The following IL2RA variants were observed in gnomAD, a reference collection of about 807,000 sequenced individuals.
The protein encoded by IL2RA is interleukin 2 receptor subunit alpha.
Under a neutral mutation model 37.8 loss-of-function variants are expected in IL2RA, and 24 were observed. The ratio of observed to expected loss-of-function variants is 0.63; its 90% CI spans 0.46 to 0.89. The LOEUF is 0.89. Among genes scored for constraint, IL2RA ranks in the 40% least tolerant of loss-of-function variants. IL2RA has a pLI of 0.00. For missense variants in IL2RA, 319 were observed against 348.6 expected (o/e 0.92, Z 0.68); for synonymous variants, 125 against 114.6 (o/e 1.09, Z -0.58).
rs562795936 is a variant in IL2RA at position 6,022,673 on chromosome 10, G to A, written c.368-980C>T. On this transcript the variant is annotated intron_variant, in intron 3 of 7. Transcript: ENST00000379959. This position sits in a 1 kb window ranked among gnomAD's most constrained non-coding sequence, Gnocchi z 4.7. ...AACATCACGACTGAACTTGTGTTTT[G>A]GTCTCAGGATAAAAGGTTGTTTGAC... Among the ~76,000 whole-genome samples, 5 of 152,328 alleles carry A rather than the reference G, an allele frequency of 3.3e-5. No homozygotes were observed. Among genetic ancestry groups the A allele is most frequent in the African/African-American group, 1.2e-4 (5 of 41,570 alleles).
chr10:6,021,745 T>G lies in IL2RA; in HGVS notation c.368-52A>C, dbSNP rs747363078. On this transcript the variant is annotated intron_variant, in intron 3 of 7. Transcript: ENST00000379959. This position sits in a 1 kb window ranked among gnomAD's most constrained non-coding sequence, Gnocchi z 4.9. ...GGCAAGTTGGGGACAGCACCGCGAGTGAGTCCAGGTTGCCTCTTGCTAGGG... is the reference window on the plus strand; with the variant it reads ...GGCAAGTTGGGGACAGCACCGCGAGGGAGTCCAGGTTGCCTCTTGCTAGGG... The G allele has an allele frequency of 2.3e-5, 34 of 1,485,612 alleles. No homozygotes were observed. Among genetic ancestry groups the G allele is most frequent in the Admixed American group, 5.0e-5 (3 of 59,516 alleles). 92.0% of individuals were successfully genotyped at this position (1,485,612 alleles called of 1,614,324 possible). A position where few individuals can be genotyped will look rare whatever the true frequency, so the allele number is the denominator to read the frequency against.
intron 1 of IL2RA, among the ~76,000 whole-genome samples, chr10:6,039,921 A>G (rs1165809868): frequency 1.3e-5 from 2 of 152,200 alleles, no homozygotes; most frequent in Non-Finnish European, 2.9e-5. Flanking sequence ...GGCTGCTCTT[A>G]ACTATAAGGT....
At position 6,056,977 on chromosome 10, in the gene IL2RA, G is replaced by A. The variant is rs1840055740; in HGVS notation, c.64+5111C>T. Among the ~76,000 whole-genome samples, 1 of 152,076 alleles carries A rather than the reference G, an allele frequency of 6.6e-6. No homozygotes were observed. Among genetic ancestry groups the A allele is most frequent in the African/African-American group, 2.4e-5 (1 of 41,386 alleles). ...CCTGTGTCTTGGGGCCTCTCTCCCT[G>A]GAATGTCACTGATGGAAATTTACCA... On this transcript the variant is annotated intron_variant, in intron 1 of 7. Coordinates refer to ENST00000379959, the MANE Select transcript of IL2RA (RefSeq NM_000417.3). The surrounding 1 kb of genome is among the most constrained non-coding windows in gnomAD (Gnocchi z 5.0).
At chr10:6,019,240 C>T (rs1431569813) in intron 6 of IL2RA, among the ~76,000 whole-genome samples, 188 bp downstream of exon 6, 2 of 151,984 alleles carry the variant, frequency 1.3e-5, no homozygotes, top group African/African-American at 4.8e-5. Context: ...AGCAACCAAC[C>T]AACTAACCAA....
Position 6,054,378 on chromosome 10 carries a change from G to A in IL2RA, c.64+7710C>T, listed in dbSNP as rs977147849. ...CAGGGTCATGTGGTGCTGGTGATAA[G>A]TGATCAGTGACCCATTGAACCGAGG... On this transcript the variant is annotated intron_variant, in intron 1 of 7. Coordinates refer to ENST00000379959, the MANE Select transcript of IL2RA (RefSeq NM_000417.3). This position sits in a 1 kb window ranked among gnomAD's most constrained non-coding sequence, Gnocchi z 4.5. Among the ~76,000 whole-genome samples the A allele has an allele frequency of 2.0e-5, 3 of 152,322 alleles. No individual in the cohort carries two copies. The highest frequency in any genetic ancestry group is 6.5e-5 in the Admixed American group (1 of 15,298).
At position 6,020,025 on chromosome 10, in the gene IL2RA, G is replaced by T; in HGVS notation, c.584-84C>A. The T allele has an allele frequency of 8.5e-7, 1 of 1,180,116 alleles. No homozygotes were observed. The highest frequency in any genetic ancestry group is 1.3e-6 in the Non-Finnish European group (1 of 787,324). 73.1% of individuals were successfully genotyped at this position (1,180,116 alleles called of 1,614,324 possible). ...CCACCCCGCCTGCCCCAGGCAGCCG[G>T]CCCCAGACACGCCCGAGGAGGCAGG... is the stretch of plus-strand genomic sequence containing the variant. On this transcript the variant is annotated intron_variant, in intron 4 of 7. Transcript: ENST00000379959. The surrounding 1 kb of genome is among the most constrained non-coding windows in gnomAD (Gnocchi z 5.6).
intron 1 of IL2RA, chr10:6,039,544 A>G (rs1200575486): frequency 6.6e-6 from 1 of 152,216 alleles, no homozygotes; most frequent in Non-Finnish European, 1.5e-5. Flanking sequence ...TTTCAAGCAC[A>G]CATGGGACAT....
In IL2RA at chr10:6,036,510, A is replaced by AAAAC. The variant is rs201648318; in HGVS notation, c.65-10489_65-10486dup. On this transcript the variant is annotated intron_variant, in intron 1 of 7. Coordinates refer to ENST00000379959, the MANE Select transcript of IL2RA (RefSeq NM_000417.3). This position sits in a 1 kb window ranked among gnomAD's most constrained non-coding sequence, Gnocchi z 6.1. ...CACTGAGGTTAAGTGAAAACAAAAC[A>AAAAC]AAACAAACAAACAAAAAAGAGGCCC... 2.0e-5 allele frequency: 3 copies of AAAAC among 152,276 alleles called. No homozygotes were observed. In the East Asian group the frequency reaches 5.8e-4, roughly 29 times the overall value. The allele number at this position is 152,276 out of a possible 1,614,324, so 9.4% of individuals were successfully genotyped here.
chr10:6,044,553 C>G lies in IL2RA; in HGVS notation c.64+17535G>C, dbSNP rs966466377. Among the ~76,000 whole-genome samples, 2 of 152,054 alleles carry G rather than the reference C, an allele frequency of 1.3e-5. No homozygotes were observed. The highest frequency in any genetic ancestry group is 2.4e-5 in the African/African-American group (1 of 41,314). On this transcript the variant is annotated intron_variant, in intron 1 of 7. Coordinates refer to ENST00000379959, the MANE Select transcript of IL2RA (RefSeq NM_000417.3). This position sits in a 1 kb window ranked among gnomAD's most constrained non-coding sequence, Gnocchi z 4.5. Reference sequence around the variant, plus strand: ...GGCAATGGTAAACTGACATGGCACACTCATGAGCATGTCTTATGGAAAGCT... The same window carrying G: ...GGCAATGGTAAACTGACATGGCACAGTCATGAGCATGTCTTATGGAAAGCT...
chr10:6,024,142 A>G, intron 3 of IL2RA, 102 bp downstream of exon 3: 1 of 784,000 alleles, frequency 1.3e-6, no homozygotes, highest in South Asian at 1.4e-5. Flanking sequence ...GCATGTGTTT[A>G]TAGAAGGCAG....
intron 1 of IL2RA, among the ~76,000 whole-genome samples, chr10:6,052,729 G>C (rs1331720387): frequency 6.6e-6 from 1 of 152,174 alleles, no homozygotes; most frequent in African/African-American, 2.4e-5. Flanking sequence ...TTCTGAAGGA[G>C]GTATCTATTT....
intron 1 of IL2RA, among the ~76,000 whole-genome samples, chr10:6,060,307 C>T (rs1191127924): frequency 1.3e-5 from 2 of 152,140 alleles, no homozygotes; most frequent in East Asian, 3.9e-4. Context: ...GCACTGGGTA[C>T]AGCATACATG....
chr10:6,021,401 G>T lies in IL2RA; in HGVS notation c.583+77C>A. ...TCCAAGGACCACTCTTGTCCAGCAG[G>T]AGTGGTCAGGGATTCCACTCTGGTC... On this transcript the variant is annotated intron_variant, in intron 4 of 7. Transcript: ENST00000379959. The surrounding 1 kb of genome is among the most constrained non-coding windows in gnomAD (Gnocchi z 4.9). 8.6e-7 allele frequency: 1 copy of T among 1,160,258 alleles called. No individual in the cohort carries two copies. The highest frequency in any genetic ancestry group is 1.3e-6 in the Non-Finnish European group (1 of 768,336). 71.9% of individuals were successfully genotyped at this position (1,160,258 alleles called of 1,614,324 possible).
chr10:6,049,613 G>A (rs1027943324), intron 1 of IL2RA, among the ~76,000 whole-genome samples: 12 of 152,112 alleles, frequency 7.9e-5, no homozygotes, highest in Admixed American at 3.9e-4. Flanking sequence ...GGAAGCCTCC[G>A]GGACTCTTCT....
chr10:6,019,351 C>T, intron 6 of IL2RA, 77 bp downstream of exon 6: 1 of 1,126,752 alleles, frequency 8.9e-7, no homozygotes, highest in Non-Finnish European at 1.4e-6. Flanking sequence ...AACCAACTAA[C>T]CAACCTACTA....
Position 6,025,291 on chromosome 10 carries a change from T to C in IL2RA, c.256+543A>G, listed in dbSNP as rs1589295308. On this transcript the variant is annotated intron_variant, in intron 2 of 7. Coordinates refer to ENST00000379959, the MANE Select transcript of IL2RA (RefSeq NM_000417.3). The surrounding 1 kb of genome is among the most constrained non-coding windows in gnomAD (Gnocchi z 4.4). ...TTCACTTGAACCCAGGAGGTGGAGG[T>C]TGCAGTGATCTGAGATTGTACCACC... is the stretch of plus-strand genomic sequence containing the variant. Among the ~76,000 whole-genome samples, 1 of 151,628 alleles carries C rather than the reference T, an allele frequency of 6.6e-6. No homozygotes were observed.
intron 1 of IL2RA, among the ~76,000 whole-genome samples, chr10:6,053,122 A>T (rs1242759614): frequency 1.3e-5 from 2 of 152,228 alleles, no homozygotes; most frequent in African/African-American, 4.8e-5. Flanking sequence ...AAAAACAAAA[A>T]TAACTTCCCT....
Position 6,021,314 on chromosome 10 carries a change from T to G in IL2RA, c.583+164A>C, listed in dbSNP as rs1839382687. Among the ~76,000 whole-genome samples the G allele has an allele frequency of 7.7e-5, 1 of 12,962 alleles. No individual in the cohort carries two copies. Among genetic ancestry groups the G allele is most frequent in the South Asian group, 7.1e-3 (1 of 140 alleles). 8.5% of individuals were successfully genotyped at this position (12,962 alleles called of 152,430 possible). A position where few individuals can be genotyped will look rare whatever the true frequency, so the allele number is the denominator to read the frequency against. ...TAGAGTCCATCTGATCTGGTCTATT[T>G]AAATTTTTTTTTTTTTCTCAGAATG... On this transcript the variant is annotated intron_variant, in intron 4 of 7. Coordinates refer to ENST00000379959, the MANE Select transcript of IL2RA (RefSeq NM_000417.3). This position sits in a 1 kb window ranked among gnomAD's most constrained non-coding sequence, Gnocchi z 4.9.
chr10:6,042,061 AG>A (rs200658586), intron 1 of IL2RA, among the ~76,000 whole-genome samples: 2 of 151,166 alleles, frequency 1.3e-5, no homozygotes, highest in South Asian at 4.2e-4. Flanking sequence ...ATGGTTGATA[AG>A]GTGAAGAATT....
Sources: allele counts gnomAD v4.1 joint callset (sites outside exome capture counted in the v4.1 genomes callset), GRCh38; gene constraint gnomAD v4.1.1; non-coding constraint Gnocchi (gnomAD v3.1); transcripts MANE v1.5; gene names NCBI Gene and HGNC (gene_info 2026-07-23, HGNC 2026-07-21).